Variants in INPP4B observed in about 807,000 individuals in gnomAD.
INPP4B encodes inositol polyphosphate-4-phosphatase type II B, also known as inositol polyphosphate 4-phosphatase type II.
In INPP4B, 55 loss-of-function variants were observed where a neutral mutation model predicts 122.5. That is an observed-to-expected ratio of 0.45 (90% CI 0.36 to 0.56). INPP4B has a LOEUF of 0.56. Among genes scored for constraint, INPP4B ranks in the 20% least tolerant of loss-of-function variants. The pLI is 0.00. For synonymous variants in INPP4B, 403 were observed against 388.7 expected, an observed-to-expected ratio of 1.04 and a Z score of -0.43; for missense variants, 1,000 against 1,097.7, an observed-to-expected ratio of 0.91 and a Z score of 1.26.
chr4:142,211,674 TAGTC>T (rs1175384847), intron 12 of INPP4B, among the ~76,000 whole-genome samples: 2 of 152,218 alleles, frequency 1.3e-5, no homozygotes, highest in Admixed American at 6.5e-5. Context: ...TTGGAATAGT[TAGTC>T]AGAGGGACAT....
chr4:142,092,119 T>C (rs914704929), intron 23 of INPP4B, among the ~76,000 whole-genome samples: 8 of 152,200 alleles, frequency 5.3e-5, no homozygotes, highest in African/African-American at 1.9e-4. Flanking sequence ...GCCTGTGCTG[T>C]TCCAGCTGAG....
At chr4:142,603,309 A>C (rs952174813) in intron 2 of INPP4B, among the ~76,000 whole-genome samples, 3 of 152,024 alleles carry the variant, frequency 2.0e-5, no homozygotes, top group Non-Finnish European at 4.4e-5. Context: ...GGGATGGTCC[A>C]TGTAGCAAAC....
intron 2 of INPP4B, among the ~76,000 whole-genome samples, chr4:142,580,014 G>A (rs554245772): frequency 1.8e-4 from 27 of 151,456 alleles, no homozygotes; most frequent in Non-Finnish European, 3.4e-4. Flanking sequence ...GGGAAGATAC[G>A]CAGACTTCGC....
intron 23 of INPP4B, among the ~76,000 whole-genome samples, chr4:142,103,772 T>G (rs1785625500): frequency 6.6e-6 from 1 of 151,994 alleles, no homozygotes; most frequent in South Asian, 2.1e-4. Flanking sequence ...CTGCTAAATT[T>G]AATGTGAGGC....
intron 2 of INPP4B, among the ~76,000 whole-genome samples, chr4:142,690,890 T>C (rs188308544): frequency 3.3e-4 from 50 of 152,196 alleles, no homozygotes; most frequent in Non-Finnish European, 6.8e-4. Context: ...TCCAGGACCT[T>C]GTCCCTCAAA....
At position 142,414,649 on chromosome 4, in the gene INPP4B, T is replaced by C. The variant is rs147321987; in HGVS notation, c.137-9325A>G. On this transcript the variant is annotated intron_variant, in intron 5 of 25. Transcript: ENST00000262992. ...TCAGGTCAGTCCTCAGAAAATCCTA[T>C]TTTGTCTTGCTTTCATGAATATTAC... Among the ~76,000 whole-genome samples, 827 of 152,298 alleles carry C rather than the reference T, an allele frequency of 5.4e-3. 5 individuals are homozygous for C. Among genetic ancestry groups the C allele is most frequent in the Non-Finnish European group, 8.5e-3 (579 of 68,032 alleles).
chr4:142,262,197 GAATA>G (rs1361815925), intron 10 of INPP4B, among the ~76,000 whole-genome samples: 8 of 152,086 alleles, frequency 5.3e-5, no homozygotes, highest in Admixed American at 2.6e-4. Flanking sequence ...ACTCTACAAT[GAATA>G]ATAACTACTT....
intron 2 of INPP4B, among the ~76,000 whole-genome samples, chr4:142,544,788 G>A (rs1168923018): frequency 6.6e-6 from 1 of 152,130 alleles, no homozygotes; most frequent in Non-Finnish European, 1.5e-5. Flanking sequence ...AAGATTGAGT[G>A]TTGACTAATA....
At chr4:142,829,702 T>C (rs895425431) in intron 1 of INPP4B, among the ~76,000 whole-genome samples, 7 of 152,298 alleles carry the variant, frequency 4.6e-5, no homozygotes, top group Non-Finnish European at 8.8e-5. Flanking sequence ...AACTGTCAAG[T>C]TGAAATTGTA....
chr4:142,421,651 C>A (rs985344522), intron 5 of INPP4B, among the ~76,000 whole-genome samples: 2 of 152,050 alleles, frequency 1.3e-5, no homozygotes, highest in Non-Finnish European at 2.9e-5. Context: ...AAATGCATCA[C>A]CTTGGAAAAT....
intron 10 of INPP4B, among the ~76,000 whole-genome samples, chr4:142,261,962 T>C (rs1740254540): frequency 6.6e-6 from 1 of 152,154 alleles, no homozygotes; most frequent in Non-Finnish European, 1.5e-5. Context: ...TTTGATGTTC[T>C]CTAAATCGCA....
chr4:142,266,042 G>A (rs1049779867), intron 10 of INPP4B, among the ~76,000 whole-genome samples: 2 of 152,174 alleles, frequency 1.3e-5, no homozygotes, highest in Admixed American at 6.5e-5. Flanking sequence ...AATGGGAAGT[G>A]TTTCTGCTAC....
intron 2 of INPP4B, among the ~76,000 whole-genome samples, chr4:142,607,619 C>T (rs80057692): frequency 6.6e-6 from 1 of 151,982 alleles, no homozygotes; most frequent in African/African-American, 2.4e-5. Flanking sequence ...TGTCTATGTA[C>T]AAAACAAGTT....
chr4:142,793,100 G>A (rs1245276467), intron 1 of INPP4B, among the ~76,000 whole-genome samples: 1 of 150,700 alleles, frequency 6.6e-6, no homozygotes, highest in Non-Finnish European at 1.5e-5. Flanking sequence ...ATCAGGGATG[G>A]GCCGATCAAT....
At chr4:142,725,210 A>G (rs1765185364) in intron 2 of INPP4B, among the ~76,000 whole-genome samples, 1 of 152,162 alleles carries the variant, frequency 6.6e-6, no homozygotes, top group Admixed American at 6.5e-5. Flanking sequence ...TCTTAGAACA[A>G]CATATGTAAA....
chr4:142,708,715 G>T (rs1762757927), intron 2 of INPP4B, among the ~76,000 whole-genome samples: 1 of 152,214 alleles, frequency 6.6e-6, no homozygotes, highest in African/African-American at 2.4e-5. Context: ...CCAGGCAGAA[G>T]TCTGCTGCTG....
chr4:142,539,156 A>AATAT (rs5862601), intron 2 of INPP4B, among the ~76,000 whole-genome samples: 10 of 147,740 alleles, frequency 6.8e-5, no homozygotes, highest in African/African-American at 2.5e-4. Context: ...GAGATAATAA[A>AATAT]ATATATATAT....
intron 2 of INPP4B, among the ~76,000 whole-genome samples, chr4:142,519,176 C>T (rs578256823): frequency 1.2e-4 from 19 of 152,116 alleles, no homozygotes; most frequent in African/African-American, 3.9e-4. Flanking sequence ...AATAGGTGGG[C>T]GTGTACACTT....
At chr4:142,303,035 T>C (rs1762067496) in intron 9 of INPP4B, among the ~76,000 whole-genome samples, 1 of 152,088 alleles carries the variant, frequency 6.6e-6, no homozygotes, top group Non-Finnish European at 1.5e-5. Context: ...TCTACATCTT[T>C]AAAAATACAC....
Sources: gnomAD v4.1 joint callset for allele counts (sites outside exome capture counted in the v4.1 genomes callset) on GRCh38, gnomAD v4.1.1 for gene constraint, MANE v1.5 for transcripts, NCBI Gene and HGNC (gene_info 2026-07-23, HGNC 2026-07-21) for gene names.